SMYD3: variants seen among roughly 807,000 people sequenced by gnomAD.
The protein encoded by SMYD3 is SET and MYND domain containing 3.
A neutral mutation model predicts 57.7 loss-of-function variants in SMYD3; 36 were observed. The observed-to-expected ratio is 0.62, with a 90% confidence interval of 0.48 to 0.82. The LOEUF is 0.82. SMYD3 is among the 40% of genes least tolerant of loss of function. The pLI is 0.00. For missense variants in SMYD3, 515 were observed against 538.8 expected, an observed-to-expected ratio of 0.96 and a Z score of 0.44; for synonymous variants, 211 against 195.0, an observed-to-expected ratio of 1.08 and a Z score of -0.68.
chr1:245,855,495 A>G (rs552642139), intron 10 of SMYD3, among the ~76,000 whole-genome samples: 1 of 152,330 alleles, frequency 6.6e-6, no homozygotes, highest in South Asian at 2.1e-4. Flanking sequence ...ACTTTTAAAT[A>G]AAATTTATGA....
chr1:245,785,682 C>T (rs750621957), intron 10 of SMYD3, among the ~76,000 whole-genome samples: 4 of 151,526 alleles, frequency 2.6e-5, no homozygotes, highest in Admixed American at 6.6e-5. Flanking sequence ...AGTGAGAAAG[C>T]GAGCAAGAGA....
chr1:245,852,817 T>C (rs1355953428), intron 10 of SMYD3, among the ~76,000 whole-genome samples: 5 of 152,160 alleles, frequency 3.3e-5, no homozygotes, highest in Non-Finnish European at 2.9e-5. Flanking sequence ...CCTTCGCCCA[T>C]CACTGTGCAG....
chr1:246,126,450 G>A (rs6656104), intron 5 of SMYD3, among the ~76,000 whole-genome samples: 119,231 of 152,152 alleles, frequency 0.78, 46,907 homozygotes, highest in Admixed American at 0.86. Context: ...GCACTGTTTA[G>A]TAGTCACTGA....
intron 2 of SMYD3, among the ~76,000 whole-genome samples, chr1:246,350,102 G>A (rs2065798268): frequency 6.6e-6 from 1 of 152,138 alleles, no homozygotes; most frequent in African/African-American, 2.4e-5. Context: ...CTAATCAAAA[G>A]AAAAGCAGAA....
chr1:246,118,644 A>G (rs2148014810), intron 5 of SMYD3, among the ~76,000 whole-genome samples: 1 of 152,318 alleles, frequency 6.6e-6, no homozygotes, highest in East Asian at 1.9e-4. Flanking sequence ...ATCTTTGTAA[A>G]TCAACATCTG....
Position 245,945,524 on chromosome 1 carries a change from T to C in SMYD3, c.532-15587A>G, listed in dbSNP as rs1458535471. ...GATGCTTTTACATGGTTGATGAGAA[T>C]GTAAATTTGTTCAATCATTGTGCAA... On this transcript the variant is annotated intron_variant, in intron 5 of 11. Coordinates refer to ENST00000490107, the MANE Select transcript of SMYD3 (RefSeq NM_001167740.2). Among the ~76,000 whole-genome samples the C allele has an allele frequency of 3.9e-5, 6 of 152,186 alleles. No homozygotes were observed. The South Asian group carries it at 1.0e-3, about 26-fold the overall frequency.
At chr1:246,137,608 T>C (rs1335722359) in intron 5 of SMYD3, among the ~76,000 whole-genome samples, 1 of 152,166 alleles carries the variant, frequency 6.6e-6, no homozygotes, top group Non-Finnish European at 1.5e-5. Flanking sequence ...AACCTAAATA[T>C]AGTGGCCAGA....
rs778947075 is a variant in SMYD3 at position 246,405,972 on chromosome 1, A to C, written c.165-50878T>G. On this transcript the variant is annotated intron_variant, in intron 1 of 11. Transcript: ENST00000490107. ...ATGGACTCTAGAATTAGACGGTTTG[A>C]GCCTGAATCGCTGCAACAGTCTGTT... Among the ~76,000 whole-genome samples the C allele has an allele frequency of 6.0e-4, 91 of 152,020 alleles. 1 individual carries two copies. Among genetic ancestry groups the C allele is most frequent in the South Asian group, 2.7e-3 (13 of 4,812 alleles).
At chr1:246,106,806 C>T (rs1334629557) in intron 5 of SMYD3, among the ~76,000 whole-genome samples, 23 of 152,106 alleles carry the variant, frequency 1.5e-4, no homozygotes, top group Non-Finnish European at 1.5e-5. Context: ...AGTTTCAAAG[C>T]TTCTGTCTTA....
chr1:246,125,298 A>G (rs1406496597), intron 5 of SMYD3, among the ~76,000 whole-genome samples: 1 of 152,192 alleles, frequency 6.6e-6, no homozygotes, highest in Non-Finnish European at 1.5e-5. Flanking sequence ...TCATCAGAAT[A>G]TAACTTTCAT....
chr1:245,952,170 T>C (rs2057677889), intron 5 of SMYD3, among the ~76,000 whole-genome samples: 1 of 152,164 alleles, frequency 6.6e-6, no homozygotes, highest in African/African-American at 2.4e-5. Context: ...TATACCATGA[T>C]AAAGCTGGGT....
chr1:246,172,682 G>A (rs1317147790), intron 5 of SMYD3, among the ~76,000 whole-genome samples: 1 of 132,388 alleles, frequency 7.6e-6, no homozygotes, highest in Non-Finnish European at 1.6e-5. Context: ...ACACACTTAG[G>A]CTACACAGGC....
At chr1:246,229,731 C>T (rs2063383182) in intron 5 of SMYD3, among the ~76,000 whole-genome samples, 2 of 152,188 alleles carry the variant, frequency 1.3e-5, no homozygotes, top group African/African-American at 2.4e-5. Flanking sequence ...ACACCAATCC[C>T]ACCCATGAGG....
chr1:246,497,599 A>C (rs2068383924), intron 1 of SMYD3, among the ~76,000 whole-genome samples: 1 of 152,264 alleles, frequency 6.6e-6, no homozygotes, highest in Non-Finnish European at 1.5e-5. Flanking sequence ...ATGGTAGCAT[A>C]TACAGTTAAA....
intron 5 of SMYD3, among the ~76,000 whole-genome samples, chr1:246,232,435 C>T (rs1490089584): frequency 6.6e-6 from 1 of 151,898 alleles, no homozygotes; most frequent in African/African-American, 2.4e-5. Flanking sequence ...GAGGAAAGAA[C>T]ATATACCATA....
At chr1:246,404,767 C>G (rs1352634895) in intron 1 of SMYD3, among the ~76,000 whole-genome samples, 1 of 152,136 alleles carries the variant, frequency 6.6e-6, no homozygotes, top group Non-Finnish European at 1.5e-5. Flanking sequence ...TCCTCGGTCA[C>G]ATTAGCCACA....
intron 5 of SMYD3, among the ~76,000 whole-genome samples, chr1:246,149,717 T>A (rs531421741): frequency 8.5e-5 from 13 of 152,298 alleles, no homozygotes; most frequent in Admixed American, 7.8e-4. Context: ...TTCTGCTACA[T>A]CAGACAAAAC....
intron 10 of SMYD3, among the ~76,000 whole-genome samples, chr1:245,828,714 T>TTA (rs1364031981): frequency 6.6e-6 from 1 of 151,656 alleles, no homozygotes; most frequent in African/African-American, 2.4e-5. Flanking sequence ...TTCTGATTTT[T>TTA]TTTTTTTTGA....
chr1:245,761,786 C>CTTTTTTTTTTTTT (rs534305833), intron 11 of SMYD3, among the ~76,000 whole-genome samples: 1 of 115,720 alleles, frequency 8.6e-6, no homozygotes, highest in African/African-American at 3.7e-5. Context: ...CATATTGAGT[C>CTTTTTTTTTTTTT]TTTTTTTTTT....
Sources: allele counts gnomAD v4.1 joint callset (sites outside exome capture counted in the v4.1 genomes callset), GRCh38; gene constraint gnomAD v4.1.1; transcripts MANE v1.5; gene names NCBI Gene and HGNC (gene_info 2026-07-23, HGNC 2026-07-21).